Variants in SLC12A6 observed in about 807,000 individuals in gnomAD.
The protein encoded by SLC12A6 is K-Cl cotransporter 3.
A neutral mutation model predicts 135.3 loss-of-function variants in SLC12A6; 66 were observed. That is an observed-to-expected ratio of 0.49 (90% CI 0.40 to 0.60). The LOEUF (loss-of-function observed/expected upper bound fraction) is 0.60, where lower values mean the gene tolerates loss of function less well. Ranked by LOEUF, SLC12A6 falls within the 20% of genes least tolerant of loss-of-function variation. SLC12A6 has a pLI of 0.00. For missense variants in SLC12A6, 1,058 were observed against 1,452.3 expected (o/e 0.73, Z 4.41); for synonymous variants, 513 against 508.8 (o/e 1.01, Z -0.11).
intron 2 of SLC12A6, among the ~76,000 whole-genome samples, chr15:34,280,399 T>G (rs576287619): frequency 2.6e-5 from 4 of 152,236 alleles, no homozygotes; most frequent in African/African-American, 9.6e-5. Context: ...TCTAGACATA[T>G]CACAAAAGTT....
rs961982793 is a variant in SLC12A6, at chr15:34,230,580, A to G, written c.*3301T>C. 2.0e-5 allele frequency: 3 copies of G among 152,650 alleles called. No homozygotes were observed. The highest frequency in any genetic ancestry group is 6.5e-5 in the Admixed American group (1 of 15,280). The allele number at this position is 152,650 out of a possible 1,614,324, so 9.5% of individuals were successfully genotyped here. On this transcript the variant is annotated 3_prime_UTR_variant, in exon 26 of 26. Coordinates refer to ENST00000354181, the MANE Select transcript of SLC12A6 (RefSeq NM_001365088.1). Reference sequence around the variant, plus strand: ...ATGTGTATTTCTAATCTACCCTGGTAAAGTCATAGGTAAGACTCAAAAGCG... The same window carrying G: ...ATGTGTATTTCTAATCTACCCTGGTGAAGTCATAGGTAAGACTCAAAAGCG...
At chr15:34,336,106 T>C (rs540571161) in intron 2 of SLC12A6, among the ~76,000 whole-genome samples, 6 of 152,170 alleles carry the variant, frequency 3.9e-5, no homozygotes, top group Non-Finnish European at 8.8e-5. Context: ...AACGATTACA[T>C]TCTTTGATAT....
At chr15:34,267,998 A>G (rs1049230233) in intron 3 of SLC12A6, among the ~76,000 whole-genome samples, 1 of 151,920 alleles carries the variant, frequency 6.6e-6, no homozygotes, top group African/African-American at 2.4e-5. Context: ...GAGTTTGCTC[A>G]TCTTCCTAAC....
At chr15:34,258,775 G>T (rs1274158052) in intron 5 of SLC12A6, 38 bp downstream of exon 5, 1 of 1,559,054 alleles carries the variant, frequency 6.4e-7, no homozygotes, top group Admixed American at 1.7e-5. Flanking sequence ...TATATACAGG[G>T]CTCTTTCTAT....
intron 20 of SLC12A6, chr15:34,238,682 C>G: frequency 1.7e-6 from 1 of 597,016 alleles, no homozygotes; most frequent in Non-Finnish European, 3.0e-6. Flanking sequence ...ACAATTCTTG[C>G]AATTCCTGTG....
At chr15:34,239,972 TAA>T (rs1197412763) in intron 19 of SLC12A6, among the ~76,000 whole-genome samples, 1 of 152,164 alleles carries the variant, frequency 6.6e-6, no homozygotes, top group Non-Finnish European at 1.5e-5. Context: ...TTAAATACTT[TAA>T]GTTTTAGGGT....
chr15:34,301,122 C>T (rs1381665154), intron 2 of SLC12A6, among the ~76,000 whole-genome samples: 1 of 152,046 alleles, frequency 6.6e-6, no homozygotes. Context: ...GCATGCACCA[C>T]CACACCTGGC....
In SLC12A6 at chr15:34,254,303, A is replaced by T. The variant is rs369883532; in HGVS notation, c.1118+45T>A. 153 of 1,572,806 alleles carry T rather than the reference A, an allele frequency of 9.7e-5. 1 individual carries two copies. In the Middle Eastern group the frequency reaches 1.3e-3, roughly 14 times the overall value. On this transcript the variant is annotated intron_variant, in intron 9 of 25. Transcript: ENST00000354181. The stretch of plus-strand genomic sequence containing the variant: ...ATTATCACACCACCAGATATTTTCA[A>T]TTACTACCCAATAAGGATGGCTAGG...
At chr15:34,236,243 C>G in intron 23 of SLC12A6, 44 bp from the exon 24 acceptor site, 1 of 1,448,096 alleles carries the variant, frequency 6.9e-7, no homozygotes, top group Non-Finnish European at 9.7e-7. Context: ...CAAATTTTCT[C>G]TTATGCTTCA....
chr15:34,295,987 C>T (rs746444902), intron 2 of SLC12A6, among the ~76,000 whole-genome samples: 8 of 151,896 alleles, frequency 5.3e-5, no homozygotes, highest in African/African-American at 7.3e-5. Context: ...GTGACAAGAG[C>T]GAAACTTCAT....
chr15:34,294,563 CTTTTT>C (rs11307820), intron 2 of SLC12A6, among the ~76,000 whole-genome samples: 1 of 151,456 alleles, frequency 6.6e-6, no homozygotes, highest in East Asian at 1.9e-4. Context: ...CCCTAAATAC[CTTTTT>C]TTTAATTTTA....
Position 34,337,328 on chromosome 15 carries a change from CCA to C in SLC12A6, c.-73+2_-73+3del, listed in dbSNP as rs1161008622. 1 of 159,038 alleles carries C rather than the reference CCA, an allele frequency of 6.3e-6. No homozygotes were observed. The highest frequency in any genetic ancestry group is 1.4e-5 in the Non-Finnish European group (1 of 71,716). The allele number at this position is 159,038 out of a possible 1,614,324, so 9.9% of individuals were successfully genotyped here. A position where few individuals can be genotyped will look rare whatever the true frequency, so the allele number is the denominator to read the frequency against. On this transcript the variant is annotated splice_donor_variant and splice_donor_region_variant and intron_variant, in intron 1 of 25. Transcript: ENST00000354181. LOFTEE classifies it low-confidence loss of function (5UTR_SPLICE). ...GCACATGCATAACGGGAAAAATAAC[CCA>C]CACTACTGAGAGAAGGGTGAGCAGA...
intron 6 of SLC12A6, 34 bp from the exon 7 acceptor site, chr15:34,256,317 G>A (rs772858634): frequency 1.4e-6 from 2 of 1,440,252 alleles, no homozygotes; most frequent in Admixed American, 1.7e-5. Context: ...GATTGTTACT[G>A]TGTAAAGATG....
chr15:34,330,031 A>C (rs1304972022), intron 2 of SLC12A6, among the ~76,000 whole-genome samples: 1 of 152,204 alleles, frequency 6.6e-6, no homozygotes, highest in African/African-American at 2.4e-5. Context: ...ACAATGTCAT[A>C]AACATCTATA....
intron 3 of SLC12A6, among the ~76,000 whole-genome samples, chr15:34,266,171 A>C (rs1893506099): frequency 6.6e-6 from 1 of 152,134 alleles, no homozygotes; most frequent in Non-Finnish European, 1.5e-5. Context: ...AAATCTAGAC[A>C]TATACTATTT....
At chr15:34,268,319 T>C (rs1893665604) in intron 3 of SLC12A6, among the ~76,000 whole-genome samples, 1 of 152,148 alleles carries the variant, frequency 6.6e-6, no homozygotes, top group Non-Finnish European at 1.5e-5. Flanking sequence ...TAGAAGAATA[T>C]CCCTGGAGAT....
intron 3 of SLC12A6, among the ~76,000 whole-genome samples, chr15:34,265,070 G>A (rs949948489): frequency 2.0e-5 from 3 of 151,988 alleles, no homozygotes; most frequent in African/African-American, 4.8e-5. Flanking sequence ...GGTGGCAGCC[G>A]CCTGTAGTCC....
Position 34,285,713 on chromosome 15 carries a change from T to TACACACACACACACACACACACACACACA in SLC12A6, c.272-10325_272-10324insTGTGTGTGTGTGTGTGTGTGTGTGTGTGT, listed in dbSNP as rs776596338. On this transcript the variant is annotated intron_variant, in intron 2 of 25. Coordinates refer to ENST00000354181, the MANE Select transcript of SLC12A6 (RefSeq NM_001365088.1). ...CTATATGTGTGTGTGTGTGTGTGTGTTTGTCATACATAAAATGGAATATTA... is the reference window on the plus strand; with the variant it reads ...CTATATGTGTGTGTGTGTGTGTGTGTACACACACACACACACACACACACACACATTGTCATACATAAAATGGAATATTA... 3.5e-3 allele frequency among the ~76,000 whole-genome samples: 159 copies of TACACACACACACACACACACACACACACA among 45,160 alleles called. 1 individual carries two copies. The highest frequency in any genetic ancestry group is 9.0e-3 in the East Asian group (23 of 2,548). 29.6% of individuals were successfully genotyped at this position (45,160 alleles called of 152,430 possible).
chr15:34,289,151 T>G (rs1248601883), intron 2 of SLC12A6, among the ~76,000 whole-genome samples: 1 of 152,234 alleles, frequency 6.6e-6, no homozygotes, highest in Non-Finnish European at 1.5e-5. Context: ...TATTTTGAGA[T>G]ATGTTCCATC....
Sources: allele counts gnomAD v4.1 joint callset (sites outside exome capture counted in the v4.1 genomes callset), GRCh38; gene constraint gnomAD v4.1.1; transcripts MANE v1.5; gene names NCBI Gene and HGNC (gene_info 2026-07-23, HGNC 2026-07-21).